The following KCTD1 variants were observed in gnomAD, a reference collection of about 807,000 sequenced individuals.
KCTD1 encodes the protein BTB/POZ domain-containing protein KCTD1.
KCTD1 carries 24 observed loss-of-function variants against 66.0 expected under a neutral mutation model. The observed-to-expected ratio is 0.36, with a 90% CI of 0.26 to 0.51. KCTD1 has a LOEUF of 0.51. Ranked by LOEUF, KCTD1 falls within the 20% of genes least tolerant of loss-of-function variation. KCTD1 has a pLI of 0.95. For missense variants in KCTD1, 943 were observed against 1,205.2 expected (o/e 0.78, Z 3.22); for synonymous variants, 511 against 517.2 (o/e 0.99, Z 0.16).
At chr18:26,481,535 A>G (rs550576943) in intron 2 of KCTD1, among the ~76,000 whole-genome samples, 11 of 152,318 alleles carry the variant, frequency 7.2e-5, no homozygotes, top group African/African-American at 2.4e-4. Flanking sequence ...AGCCGGGTCA[A>G]GGAGTTTAGA....
chr18:26,483,747 A>ATG lies in KCTD1; in HGVS notation c.1989-7090_1989-7089dup, dbSNP rs146149128. 3.7e-3 allele frequency among the ~76,000 whole-genome samples: 552 copies of ATG among 150,414 alleles called. 4 individuals carry two copies. Among genetic ancestry groups the ATG allele is most frequent in the Middle Eastern group, 0.017 (5 of 292 alleles). On this transcript the variant is annotated intron_variant, in intron 2 of 4. Coordinates refer to ENST00000580059, the MANE Select transcript of KCTD1 (RefSeq NM_001142730.3). ...TAAGTTGTGGGCATGCACAACGGAG[A>ATG]TGTGTGTGTGTGTGTGTGTGCACAC...
chr18:26,587,500 C>T (rs1015816161), intron 1 of KCTD1, among the ~76,000 whole-genome samples: 8 of 152,150 alleles, frequency 5.3e-5, no homozygotes, highest in African/African-American at 1.2e-4. Flanking sequence ...TTGACTTTTG[C>T]GTCTTATTAT....
intron 1 of KCTD1, among the ~76,000 whole-genome samples, chr18:26,588,236 G>T (rs760883260): frequency 6.0e-5 from 9 of 151,106 alleles, no homozygotes; most frequent in East Asian, 5.9e-4. Flanking sequence ...CGTAGGCTAT[G>T]ATGGTGCCAG....
intron 1 of KCTD1, among the ~76,000 whole-genome samples, chr18:26,580,680 G>A (rs764906889): frequency 6.6e-6 from 1 of 152,170 alleles, no homozygotes; most frequent in East Asian, 1.9e-4. Flanking sequence ...TAGAGCTGGG[G>A]TCAGCGTACC....
At chr18:26,505,885 ATTATT>A (rs1983008172) in intron 1 of KCTD1, among the ~76,000 whole-genome samples, 1 of 151,008 alleles carries the variant, frequency 6.6e-6, no homozygotes, top group Admixed American at 6.6e-5. Context: ...CATTATTATT[ATTATT>A]TTGAGACAGG....
At chr18:26,623,027 A>G (rs559154730) in intron 1 of KCTD1, among the ~76,000 whole-genome samples, 3 of 152,274 alleles carry the variant, frequency 2.0e-5, no homozygotes, top group South Asian at 4.2e-4. Context: ...TATGTGTTGA[A>G]CATCTTTTCT....
intron 1 of KCTD1, among the ~76,000 whole-genome samples, chr18:26,647,951 C>A (rs972660225): frequency 8.6e-5 from 13 of 152,008 alleles, no homozygotes; most frequent in African/African-American, 3.1e-4. Flanking sequence ...GTGATTCTCC[C>A]GCCTCAGTCT....
In KCTD1 at chr18:26,456,055, AATGGGCAGGAG is replaced by A. The variant is rs1307000049; in HGVS notation, c.2440-165_2440-155del. ...TCCTCTCAAAGGAAGACCCTGGATT[AATGGGCAGGAG>A]AGAGGAAGCAAGCATTTCTAATGCC... is the stretch of plus-strand genomic sequence containing the variant. On this transcript the variant is annotated intron_variant, in intron 4 of 4. Coordinates refer to ENST00000580059, the MANE Select transcript of KCTD1 (RefSeq NM_001142730.3). The A allele has an allele frequency of 9.0e-6, 6 of 664,508 alleles. No homozygotes were observed. The East Asian group carries it at 1.7e-4, about 18-fold the overall frequency. 41.2% of individuals were successfully genotyped at this position (664,508 alleles called of 1,614,324 possible). A position where few individuals can be genotyped will look rare whatever the true frequency, so the allele number is the denominator to read the frequency against.
intron 1 of KCTD1, among the ~76,000 whole-genome samples, chr18:26,505,402 G>A (rs905671651): frequency 3.3e-5 from 5 of 152,232 alleles, no homozygotes; most frequent in Non-Finnish European, 7.3e-5. Context: ...AGACTATTTC[G>A]ATTTCTGCGC....
intron 1 of KCTD1, among the ~76,000 whole-genome samples, chr18:26,611,832 G>T: frequency 6.6e-6 from 1 of 152,132 alleles, no homozygotes; most frequent in Non-Finnish European, 1.5e-5. Flanking sequence ...CTTACATGTT[G>T]CTATAAATAT....
At chr18:26,610,594 A>AAAGG (rs1235940822) in intron 1 of KCTD1, among the ~76,000 whole-genome samples, 8 of 147,806 alleles carry the variant, frequency 5.4e-5, no homozygotes, top group Middle Eastern at 3.4e-3. Context: ...AGAGAGAAAG[A>AAAGG]AAGGAAGGAA....
At chr18:26,641,642 G>A (rs1987836620), upstream of KCTD1, among the ~76,000 whole-genome samples, 1 of 151,896 alleles carries the variant, frequency 6.6e-6, no homozygotes, top group Non-Finnish European at 1.5e-5. Flanking sequence ...CGTCTGGCAT[G>A]CCATATTTGC....
At chr18:26,534,074 A>G (rs1984575596) in intron 1 of KCTD1, among the ~76,000 whole-genome samples, 1 of 152,128 alleles carries the variant, frequency 6.6e-6, no homozygotes, top group Non-Finnish European at 1.5e-5. Flanking sequence ...ATCAATTTGT[A>G]TATTTTTTTA....
chr18:26,649,716 G>A (rs1987994195), intron 1 of KCTD1, among the ~76,000 whole-genome samples: 1 of 152,084 alleles, frequency 6.6e-6, no homozygotes, highest in Non-Finnish European at 1.5e-5. Context: ...CACCATGTTG[G>A]CCAGGATGGT....
At chr18:26,555,770 A>G (rs1443123142) in intron 1 of KCTD1, among the ~76,000 whole-genome samples, 1 of 152,234 alleles carries the variant, frequency 6.6e-6, no homozygotes, top group Non-Finnish European at 1.5e-5. Flanking sequence ...ACATCTTATC[A>G]ATGTTCTATA....
intron 1 of KCTD1, among the ~76,000 whole-genome samples, chr18:26,541,002 G>A (rs761846160): frequency 8.5e-5 from 13 of 152,166 alleles, no homozygotes; most frequent in South Asian, 2.1e-4. Context: ...TCTATCTTCC[G>A]GTGGAGATGG....
chr18:26,529,297 G>T (rs1039121228), intron 1 of KCTD1, among the ~76,000 whole-genome samples: 5 of 152,062 alleles, frequency 3.3e-5, no homozygotes, highest in Non-Finnish European at 4.4e-5. Flanking sequence ...TTCCATGACT[G>T]CCCTGCCTAT....
At chr18:26,497,612 C>T (rs974276277) in intron 2 of KCTD1, among the ~76,000 whole-genome samples, 3 of 152,190 alleles carry the variant, frequency 2.0e-5, no homozygotes, top group African/African-American at 7.2e-5. Context: ...GTTGCTTTGA[C>T]ATGAACATTT....
At position 26,647,328 on chromosome 18, in the gene KCTD1, G is replaced by GA. The variant is rs563079448; in HGVS notation, c.9+10031dup. Reference sequence around the variant, plus strand: ...TCAAGGCCAGCCTGGCCAAGATAGTGAAACCCCCCCCCCATCTCTACTAAA... The same window carrying GA: ...TCAAGGCCAGCCTGGCCAAGATAGTGAAAACCCCCCCCCCATCTCTACTAAA... On this transcript the variant is annotated intron_variant, in intron 1 of 4. Transcript: ENST00000580191. Among the ~76,000 whole-genome samples the GA allele has an allele frequency of 7.0e-3, 192 of 27,552 alleles. 2 individuals carry two copies. Among genetic ancestry groups the GA allele is most frequent in the African/African-American group, 0.013 (183 of 14,070 alleles). 18.1% of individuals were successfully genotyped at this position (27,552 alleles called of 152,430 possible).
Sources: gnomAD v4.1 joint callset for allele counts (sites outside exome capture counted in the v4.1 genomes callset) on GRCh38, gnomAD v4.1.1 for gene constraint, MANE v1.5 for transcripts, NCBI Gene and HGNC (gene_info 2026-07-23, HGNC 2026-07-21) for gene names.